LHFPL3: variants seen among roughly 807,000 people sequenced by gnomAD.
The protein encoded by LHFPL3 is LHFPL tetraspan subfamily member 3 protein.
Under a neutral mutation model 19.3 loss-of-function variants are expected in LHFPL3, and 5 were observed. The ratio of observed to expected loss-of-function variants is 0.26; its 90% confidence interval spans 0.14 to 0.54. The LOEUF (loss-of-function observed/expected upper bound fraction) is 0.54, where lower values mean the gene tolerates loss of function less well. Ranked by LOEUF, LHFPL3 falls within the 20% of genes least tolerant of loss-of-function variation. LHFPL3 has a pLI of 0.94. For missense variants in LHFPL3, 249 were observed against 307.4 expected, an observed-to-expected ratio of 0.81 and a Z score of 1.42; for synonymous variants, 133 against 126.2, an observed-to-expected ratio of 1.05 and a Z score of -0.36.
At chr7:104,594,545 G>T (rs1790799557) in intron 1 of LHFPL3, among the ~76,000 whole-genome samples, 1 of 152,106 alleles carries the variant, frequency 6.6e-6, no homozygotes, top group Admixed American at 6.5e-5. Flanking sequence ...GAGTATCTTT[G>T]TGGCGTTCTC....
intron 1 of LHFPL3, among the ~76,000 whole-genome samples, chr7:104,639,999 A>T (rs879685188): frequency 6.6e-6 from 1 of 152,200 alleles, no homozygotes; most frequent in Non-Finnish European, 1.5e-5. Flanking sequence ...CAGTGCCAGC[A>T]TCTGTCATGT....
chr7:104,502,181 G>A (rs773217024), intron 1 of LHFPL3, among the ~76,000 whole-genome samples: 5 of 152,154 alleles, frequency 3.3e-5, no homozygotes, highest in Non-Finnish European at 5.9e-5. Flanking sequence ...TGCAGATGTA[G>A]TCTCCTAACT....
Position 104,906,724 on chromosome 7 carries a change from A to G in LHFPL3, c.*509A>G. 6.5e-6 allele frequency: 1 copy of G among 153,188 alleles called. No homozygotes were observed. The highest frequency in any genetic ancestry group is 1.9e-4 in the East Asian group (1 of 5,216). The allele number at this position is 153,188 out of a possible 1,614,324, so 9.5% of individuals were successfully genotyped here. ...GAAGCATCTTAGAAAATGCCTCTGAATGTTTTCATAGGAGCCGTGACCTTT... is the reference window on the plus strand; with the variant it reads ...GAAGCATCTTAGAAAATGCCTCTGAGTGTTTTCATAGGAGCCGTGACCTTT... On this transcript the variant is annotated 3_prime_UTR_variant, in exon 3 of 3. Transcript: ENST00000424859.
intron 2 of LHFPL3, among the ~76,000 whole-genome samples, chr7:104,840,205 A>C (rs1308935747): frequency 6.6e-6 from 1 of 151,792 alleles, no homozygotes; most frequent in Non-Finnish European, 1.5e-5. Flanking sequence ...TCTAACACTA[A>C]ATTACAATAC....
At chr7:104,490,178 G>A (rs182671879) in intron 1 of LHFPL3, among the ~76,000 whole-genome samples, 1 of 152,170 alleles carries the variant, frequency 6.6e-6, no homozygotes, top group African/African-American at 2.4e-5. Context: ...ATAGTCCAGA[G>A]TTTTTTCTTT....
At chr7:104,845,000 A>G (rs1417882077) in intron 2 of LHFPL3, among the ~76,000 whole-genome samples, 1 of 152,214 alleles carries the variant, frequency 6.6e-6, no homozygotes, top group Non-Finnish European at 1.5e-5. Flanking sequence ...TTAGCCTCCC[A>G]AAGTGTTGGG....
intron 2 of LHFPL3, among the ~76,000 whole-genome samples, chr7:104,804,465 T>G (rs1215232938): frequency 6.6e-6 from 1 of 152,250 alleles, no homozygotes; most frequent in Non-Finnish European, 1.5e-5. Context: ...TCTGCCCTTT[T>G]GTAATGCTCT....
At chr7:104,392,604 A>T (rs1386824510) in intron 1 of LHFPL3, among the ~76,000 whole-genome samples, 1 of 151,876 alleles carries the variant, frequency 6.6e-6, no homozygotes, top group Admixed American at 6.6e-5. Flanking sequence ...TTTATTGGGG[A>T]TTTTTGCATC....
rs2216247 is a variant in LHFPL3 at position 104,636,169 on chromosome 7, A to G, written c.446-100506A>G. ...TGAAGCATAATTATATTGGGAGGAG[A>G]GGAAGAATATTCACCTACCATAAAG... On this transcript the variant is annotated intron_variant, in intron 1 of 2. Transcript: ENST00000424859. Among the ~76,000 whole-genome samples, 683 of 152,274 alleles carry G rather than the reference A, an allele frequency of 4.5e-3. 41 individuals carry two copies. The East Asian group carries it at 0.11, about 25-fold the overall frequency.
Position 104,457,366 on chromosome 7 carries a change from G to A in LHFPL3, c.445+128142G>A, listed in dbSNP as rs369387750. ...TTCCCACCTATGAGTGAGAAAATAC[G>A]GTGTTTGCTTTTTGTTCTTGTGATA... On this transcript the variant is annotated intron_variant, in intron 1 of 2. Transcript: ENST00000424859. 9.0e-4 allele frequency among the ~76,000 whole-genome samples: 136 copies of A among 150,656 alleles called. No homozygotes were observed. In the East Asian group the frequency reaches 0.011, roughly 13 times the overall value.
chr7:104,676,916 G>A (rs186283621), intron 1 of LHFPL3, among the ~76,000 whole-genome samples: 1 of 152,212 alleles, frequency 6.6e-6, no homozygotes, highest in Non-Finnish European at 1.5e-5. Context: ...ACAGTCATTG[G>A]TGAGGGCAGA....
At chr7:104,584,196 C>A (rs1277853105) in intron 1 of LHFPL3, among the ~76,000 whole-genome samples, 6 of 151,854 alleles carry the variant, frequency 4.0e-5, no homozygotes, top group Admixed American at 2.6e-4. Context: ...TTCTCAGCAA[C>A]CTATCGCAAG....
chr7:104,613,265 T>A (rs1240467729), intron 1 of LHFPL3, among the ~76,000 whole-genome samples: 1 of 152,176 alleles, frequency 6.6e-6, no homozygotes, highest in Non-Finnish European at 1.5e-5. Flanking sequence ...GCCTCAGAAC[T>A]CTTCTAAAGC....
chr7:104,440,569 A>T (rs1562898300), intron 1 of LHFPL3, among the ~76,000 whole-genome samples: 1 of 151,106 alleles, frequency 6.6e-6, no homozygotes. Flanking sequence ...ATAATAAAAC[A>T]TATATATATA....
At position 104,470,239 on chromosome 7, in the gene LHFPL3, A is replaced by C. The variant is rs575067433; in HGVS notation, c.445+141015A>C. Among the ~76,000 whole-genome samples the C allele has an allele frequency of 7.4e-4, 113 of 152,348 alleles. 1 individual carries two copies. The South Asian group carries it at 0.016, about 22-fold the overall frequency. On this transcript the variant is annotated intron_variant, in intron 1 of 2. Coordinates refer to ENST00000424859, the MANE Select transcript of LHFPL3 (RefSeq NM_199000.3). ...ATCAGTCAAAATGGCTTTAAGCCTA[A>C]CTGGCTTTTATTGATAATTCTATTC... is the stretch of plus-strand genomic sequence containing the variant.
chr7:104,375,351 A>G (rs1252353038), intron 1 of LHFPL3, among the ~76,000 whole-genome samples: 1 of 152,198 alleles, frequency 6.6e-6, no homozygotes, highest in East Asian at 1.9e-4. Flanking sequence ...AATGAAAAAT[A>G]ACAACAAAAA....
intron 2 of LHFPL3, among the ~76,000 whole-genome samples, chr7:104,820,109 A>C (rs1790649096): frequency 6.6e-6 from 1 of 152,154 alleles, no homozygotes; most frequent in Admixed American, 6.5e-5. Context: ...TCTCATTCAT[A>C]CACATCTGGA....
intron 1 of LHFPL3, among the ~76,000 whole-genome samples, chr7:104,673,041 T>C (rs933009242): frequency 2.0e-5 from 3 of 152,212 alleles, no homozygotes; most frequent in African/African-American, 7.2e-5. Context: ...TTTGCAGCTA[T>C]AGCTCACTTA....
intron 1 of LHFPL3, among the ~76,000 whole-genome samples, chr7:104,354,847 A>G (rs1296181957): frequency 5.3e-5 from 8 of 152,214 alleles, no homozygotes; most frequent in African/African-American, 1.9e-4. Context: ...AATTTCAATA[A>G]TATATCTTAA....
Sources: gnomAD v4.1 joint callset for allele counts (sites outside exome capture counted in the v4.1 genomes callset) on GRCh38, gnomAD v4.1.1 for gene constraint, MANE v1.5 for transcripts, NCBI Gene and HGNC (gene_info 2026-07-23, HGNC 2026-07-21) for gene names.